The following TNR variants were observed in gnomAD, a reference collection of about 807,000 sequenced individuals.
The protein encoded by TNR is tenascin-R.
TNR carries 45 observed loss-of-function variants against 150.4 expected under a neutral mutation model. That is an observed-to-expected ratio of 0.30 (90% confidence interval 0.24 to 0.38). The LOEUF (loss-of-function observed/expected upper bound fraction) is 0.38. TNR is among the 10% of genes least tolerant of loss of function. The pLI is 1.00. For synonymous variants in TNR, 687 were observed against 678.4 expected (o/e 1.01, Z -0.20); for missense variants, 1,544 against 1,759.1 (o/e 0.88, Z 2.19).
chr1:175,522,266 G>A (rs1659667544), intron 2 of TNR, among the ~76,000 whole-genome samples: 1 of 152,210 alleles, frequency 6.6e-6, no homozygotes, highest in African/African-American at 2.4e-5. Context: ...GAAAACTCGG[G>A]TACCACAGTA....
intron 4 of TNR, among the ~76,000 whole-genome samples, chr1:175,401,268 G>A (rs1474476131): frequency 2.0e-5 from 3 of 152,132 alleles, no homozygotes; most frequent in Admixed American, 6.5e-5. Context: ...TGTCCAGACC[G>A]CCAAAGAGTA....
At chr1:175,640,686 C>T (rs1215845368) in intron 1 of TNR, among the ~76,000 whole-genome samples, 5 of 151,950 alleles carry the variant, frequency 3.3e-5, no homozygotes, top group African/African-American at 9.7e-5. Flanking sequence ...CAAGACAATG[C>T]CCTCAGCTAC....
intron 1 of TNR, among the ~76,000 whole-genome samples, chr1:175,737,071 CA>C (rs1667793120): frequency 6.6e-6 from 1 of 152,136 alleles, no homozygotes; most frequent in African/African-American, 2.4e-5. Flanking sequence ...AACAACAACA[CA>C]AAGTAGGCTC....
chr1:175,383,739 C>T (rs1452997460), intron 8 of TNR, among the ~76,000 whole-genome samples: 1 of 152,206 alleles, frequency 6.6e-6, no homozygotes, highest in Non-Finnish European at 1.5e-5. Context: ...GACTGAGGGC[C>T]TCATCATGAG....
At chr1:175,658,192 C>T (rs1470539969) in intron 1 of TNR, among the ~76,000 whole-genome samples, 1 of 152,112 alleles carries the variant, frequency 6.6e-6, no homozygotes, top group African/African-American at 2.4e-5. Context: ...CAGCAGCCCT[C>T]AGGTGTGTGG....
intron 7 of TNR, among the ~76,000 whole-genome samples, chr1:175,388,305 G>C (rs993217505): frequency 2.0e-5 from 3 of 150,726 alleles, no homozygotes; most frequent in African/African-American, 4.9e-5. Context: ...ACCACAAAAA[G>C]CTTTTGTCCT....
rs951668721 is a variant in TNR at position 175,414,872 on chromosome 1, T to C, written c.-63-8095A>G. Among the ~76,000 whole-genome samples the C allele has an allele frequency of 5.3e-5, 8 of 152,226 alleles. No homozygotes were observed. In the Middle Eastern group the frequency reaches 0.02, roughly 388 times the overall value. ...CCACATGCCTTTGAGCTTTTTTCTT[T>C]TCTTTTTCTTTTTTTCCCAGAGTCA... On this transcript the variant is annotated intron_variant, in intron 2 of 22. Coordinates refer to ENST00000367674, the MANE Select transcript of TNR (RefSeq NM_003285.3).
At chr1:175,479,909 C>G (rs983731358) in intron 2 of TNR, among the ~76,000 whole-genome samples, 28 of 152,182 alleles carry the variant, frequency 1.8e-4, no homozygotes, top group African/African-American at 5.5e-4. Context: ...CCTCAAATCT[C>G]CAGGAATAGA....
intron 18 of TNR, among the ~76,000 whole-genome samples, chr1:175,352,872 C>T (rs1177844610): frequency 6.6e-6 from 1 of 152,144 alleles, no homozygotes. Context: ...CAGTGTCTTG[C>T]TTTGTCATTT....
At chr1:175,579,994 A>G (rs948879739) in intron 1 of TNR, among the ~76,000 whole-genome samples, 10 of 152,144 alleles carry the variant, frequency 6.6e-5, no homozygotes, top group Non-Finnish European at 1.2e-4. Flanking sequence ...GCATAAGGAA[A>G]GGAAAGCTGG....
intron 1 of TNR, among the ~76,000 whole-genome samples, chr1:175,733,035 T>C (rs1222850060): frequency 2.0e-5 from 3 of 152,188 alleles, no homozygotes; most frequent in African/African-American, 7.2e-5. Flanking sequence ...AGTGCCTCCT[T>C]CATCACTGGC....
chr1:175,511,390 T>C (rs944765678), intron 2 of TNR, among the ~76,000 whole-genome samples: 26 of 152,316 alleles, frequency 1.7e-4, no homozygotes, highest in Admixed American at 3.3e-4. Flanking sequence ...TGTAGGAAAA[T>C]ACACTTTTAG....
At chr1:175,544,158 A>T (rs1049585997) in intron 1 of TNR, among the ~76,000 whole-genome samples, 7 of 152,378 alleles carry the variant, frequency 4.6e-5, no homozygotes, top group Admixed American at 1.3e-4. Flanking sequence ...GGTCTTAAGC[A>T]ACGAAGAGGC....
chr1:175,323,205 T>A lies in TNR; in HGVS notation c.*152A>T, dbSNP rs1258266205. 1.6e-5 allele frequency: 16 copies of A among 1,002,654 alleles called. No homozygotes were observed. Among genetic ancestry groups the A allele is most frequent in the Non-Finnish European group, 2.3e-5 (16 of 710,268 alleles). 62.1% of individuals were successfully genotyped at this position (1,002,654 alleles called of 1,614,324 possible). Reference sequence around the variant, plus strand: ...CAGGGCAGCAGAAACCAAGAGCAGATGTTAGCCAGCGGATTCCTGCGACAT... The same window carrying A: ...CAGGGCAGCAGAAACCAAGAGCAGAAGTTAGCCAGCGGATTCCTGCGACAT... On this transcript the variant is annotated 3_prime_UTR_variant, in exon 23 of 23. Coordinates refer to ENST00000367674, the MANE Select transcript of TNR (RefSeq NM_003285.3).
chr1:175,722,801 C>A (rs1295912636), intron 1 of TNR, among the ~76,000 whole-genome samples: 1 of 145,092 alleles, frequency 6.9e-6, no homozygotes, highest in Non-Finnish European at 1.5e-5. Context: ...TTGCTTCCCC[C>A]CTGCCCCCGA....
intron 1 of TNR, among the ~76,000 whole-genome samples, chr1:175,687,503 G>T (rs762211634): frequency 2.0e-5 from 3 of 152,074 alleles, no homozygotes; most frequent in Non-Finnish European, 4.4e-5. Flanking sequence ...TCAAAACAAA[G>T]CAACATGTTC....
intron 1 of TNR, among the ~76,000 whole-genome samples, chr1:175,663,629 G>A (rs1233571318): frequency 1.3e-5 from 2 of 152,010 alleles, no homozygotes; most frequent in Non-Finnish European, 2.9e-5. Flanking sequence ...TTATGATATA[G>A]TGACTAAAAG....
At chr1:175,703,146 T>A (rs1666746937) in intron 1 of TNR, among the ~76,000 whole-genome samples, 2 of 152,216 alleles carry the variant, frequency 1.3e-5, no homozygotes, top group African/African-American at 4.8e-5. Flanking sequence ...TATATAAATG[T>A]TAAAAATATT....
At chr1:175,555,993 C>T (rs78583255) in intron 1 of TNR, among the ~76,000 whole-genome samples, 2 of 152,228 alleles carry the variant, frequency 1.3e-5, no homozygotes, top group African/African-American at 4.8e-5. Context: ...ACAGCCTGCT[C>T]CACCCCTGGA....
Sources: allele counts gnomAD v4.1 joint callset (sites outside exome capture counted in the v4.1 genomes callset), GRCh38; gene constraint gnomAD v4.1.1; transcripts MANE v1.5; gene names NCBI Gene and HGNC (gene_info 2026-07-23, HGNC 2026-07-21).